TRPM3: variants seen among roughly 807,000 people sequenced by gnomAD.
The protein encoded by TRPM3 is transient receptor potential cation channel subfamily M member 3, also known as long transient receptor potential channel 3.
Under a neutral mutation model 181.2 loss-of-function variants are expected in TRPM3, and 77 were observed. That is an observed-to-expected ratio of 0.42 (90% CI 0.35 to 0.51). The LOEUF (loss-of-function observed/expected upper bound fraction) is 0.51. TRPM3 is among the 20% of genes least tolerant of loss of function. The pLI, the probability that TRPM3 is intolerant of heterozygous loss-of-function variation, is 0.01. For synonymous variants in TRPM3, 745 were observed against 796.4 expected (o/e 0.94, Z 1.09); for missense variants, 1,759 against 2,196.7 (o/e 0.80, Z 3.98).
At chr9:70,561,576 C>G (rs2049094534) in intron 22 of TRPM3, among the ~76,000 whole-genome samples, 1 of 152,176 alleles carries the variant, frequency 6.6e-6, no homozygotes, top group South Asian at 2.1e-4. Flanking sequence ...GCCCAACTTT[C>G]TAGAGTCAAA....
intron 1 of TRPM3, among the ~76,000 whole-genome samples, chr9:71,067,596 A>G (rs1022513596): frequency 6.6e-6 from 1 of 152,244 alleles, no homozygotes. Context: ...CAATAACAAA[A>G]TTTAACAATA....
chr9:71,268,486 C>G (rs904517024), intron 1 of TRPM3, among the ~76,000 whole-genome samples: 2 of 152,044 alleles, frequency 1.3e-5, no homozygotes, highest in African/African-American at 2.4e-5. Context: ...ACACAATGCT[C>G]TAATGGAAGC....
At position 70,536,398 on chromosome 9, in the gene TRPM3, T is replaced by TGA; in HGVS notation, c.4713_4714dup (p.Gln1572LeufsTer21). Reference sequence around the variant, plus strand: ...GAAGGCAGCTCTGTCCGCAATTGCTTGAGGGGCATTGACACACCTTGTGTC... The same window carrying TGA: ...GAAGGCAGCTCTGTCCGCAATTGCTTGAGAGGGGCATTGACACACCTTGTGTC... On this transcript the variant is annotated frameshift_variant, in exon 26 of 26. Coordinates refer to ENST00000677713, the MANE Select transcript of TRPM3 (RefSeq NM_001366145.2). LOFTEE classifies it high-confidence loss of function. 1 of 1,614,096 alleles carries TGA rather than the reference T, an allele frequency of 6.2e-7. No homozygotes were observed. The highest frequency in any genetic ancestry group is 8.5e-7 in the Non-Finnish European group (1 of 1,180,002).
rs769975939 is a variant in TRPM3 at position 71,187,736 on chromosome 9, C to A, written c.183+258917G>T. Reference sequence around the variant, plus strand: ...TCCTCTGTTTCCCCATTACCAAAAGCTGGCCACTCCTAATTTTGTTATTTC... The same window carrying A: ...TCCTCTGTTTCCCCATTACCAAAAGATGGCCACTCCTAATTTTGTTATTTC... On this transcript the variant is annotated intron_variant, in intron 1 of 24. Coordinates refer to the TRPM3 transcript ENST00000357533. Among the ~76,000 whole-genome samples, 52 of 152,020 alleles carry A rather than the reference C, an allele frequency of 3.4e-4. 1 individual carries two copies. The highest frequency in any genetic ancestry group is 1.3e-3 in the African/African-American group (52 of 41,530).
intron 1 of TRPM3, among the ~76,000 whole-genome samples, chr9:71,372,220 T>C (rs2092538346): frequency 6.6e-6 from 1 of 152,224 alleles, no homozygotes; most frequent in African/African-American, 2.4e-5. Flanking sequence ...ACAATTTCTT[T>C]ATCCAGTCTA....
chr9:70,927,596 C>T (rs1589836898), intron 1 of TRPM3, among the ~76,000 whole-genome samples: 2 of 152,170 alleles, frequency 1.3e-5, no homozygotes, highest in East Asian at 3.8e-4. Flanking sequence ...AGCTGGTAGT[C>T]TTTGCTATTT....
chr9:71,058,155 G>A (rs983063459), intron 1 of TRPM3, among the ~76,000 whole-genome samples: 6 of 152,184 alleles, frequency 3.9e-5, no homozygotes, highest in Admixed American at 6.5e-5. Context: ...AATAATATTA[G>A]ATACATGTTT....
intron 1 of TRPM3, among the ~76,000 whole-genome samples, chr9:71,234,879 C>T (rs891167489): frequency 1.3e-5 from 2 of 152,164 alleles, no homozygotes; most frequent in African/African-American, 2.4e-5. Flanking sequence ...AAAACATTCA[C>T]ACTGTGTACT....
At chr9:71,350,606 A>G (rs2091567743) in intron 1 of TRPM3, among the ~76,000 whole-genome samples, 1 of 152,222 alleles carries the variant, frequency 6.6e-6, no homozygotes, top group South Asian at 2.1e-4. Context: ...AAATCCTCAG[A>G]TATTTCACAT....
intron 22 of TRPM3, among the ~76,000 whole-genome samples, chr9:70,580,457 T>C (rs1007797979): frequency 6.6e-6 from 1 of 151,970 alleles, no homozygotes; most frequent in African/African-American, 2.4e-5. Flanking sequence ...TAGAATCCAA[T>C]AAGGGATACA....
intron 1 of TRPM3, among the ~76,000 whole-genome samples, chr9:71,439,542 A>G (rs2094103045): frequency 6.6e-6 from 1 of 152,206 alleles, no homozygotes; most frequent in South Asian, 2.1e-4. Flanking sequence ...AGTCTGTCTA[A>G]TTTGAATGTT....
chr9:71,197,158 A>T (rs1399634704), intron 1 of TRPM3, among the ~76,000 whole-genome samples: 36 of 152,188 alleles, frequency 2.4e-4, no homozygotes. Context: ...ACGGAGAAGG[A>T]TGATTCCCAA....
chr9:71,426,554 G>A (rs549521841), intron 1 of TRPM3, among the ~76,000 whole-genome samples: 4 of 152,100 alleles, frequency 2.6e-5, no homozygotes, highest in Middle Eastern at 3.4e-3. Flanking sequence ...GGCTGGCTTC[G>A]GGGACATGAG....
intron 5 of TRPM3, 128 bp downstream of exon 5, chr9:70,842,875 T>C: frequency 2.4e-6 from 2 of 844,310 alleles, no homozygotes; most frequent in South Asian, 2.7e-5. Context: ...TTCCTTAACA[T>C]GTTTCATTTT....
At chr9:71,075,058 T>C (rs1436786736) in intron 1 of TRPM3, among the ~76,000 whole-genome samples, 1 of 152,212 alleles carries the variant, frequency 6.6e-6, no homozygotes, top group Admixed American at 6.5e-5. Context: ...ACTGTCATTC[T>C]AGAAGTCATT....
intron 1 of TRPM3, among the ~76,000 whole-genome samples, chr9:71,074,496 C>T (rs1382555582): frequency 6.6e-6 from 1 of 152,210 alleles, no homozygotes; most frequent in Non-Finnish European, 1.5e-5. Flanking sequence ...CCAGTGTCCA[C>T]ATCCTGCTCT....
intron 22 of TRPM3, among the ~76,000 whole-genome samples, chr9:70,570,996 T>A (rs1212741502): frequency 6.6e-6 from 1 of 152,254 alleles, no homozygotes; most frequent in Non-Finnish European, 1.5e-5. Context: ...TCCATCTGAA[T>A]AACAGTATCA....
chr9:70,687,196 C>G (rs1188452434), intron 8 of TRPM3, among the ~76,000 whole-genome samples: 2 of 152,104 alleles, frequency 1.3e-5, no homozygotes, highest in Non-Finnish European at 2.9e-5. Flanking sequence ...ATGATGAGCA[C>G]TTATAGAATC....
intron 1 of TRPM3, among the ~76,000 whole-genome samples, chr9:71,192,567 AG>A (rs2078099072): frequency 1.3e-5 from 2 of 152,052 alleles, no homozygotes; most frequent in Admixed American, 1.3e-4. Context: ...TCTTTGGAAA[AG>A]TAATTATTCA....
Sources: allele counts gnomAD v4.1 joint callset (sites outside exome capture counted in the v4.1 genomes callset), GRCh38; gene constraint gnomAD v4.1.1; transcripts MANE v1.5; gene names NCBI Gene and HGNC (gene_info 2026-07-23, HGNC 2026-07-21).